Variants in ZNF565 observed in about 807,000 individuals in gnomAD.
ZNF565 encodes zinc finger protein 565.
In ZNF565, 27 loss-of-function variants were observed where a neutral mutation model predicts 39.4. That is an observed-to-expected ratio of 0.69 (90% confidence interval 0.51 to 0.95). ZNF565 has a LOEUF of 0.95. ZNF565 is among the 40% of genes least tolerant of loss of function. The pLI, the probability that ZNF565 is intolerant of heterozygous loss-of-function variation, is 0.00. For missense variants in ZNF565, 524 were observed against 621.1 expected (o/e 0.84, Z 1.66); for synonymous variants, 185 against 216.6 (o/e 0.85, Z 1.28).
At chr19:36,225,914 C>T (rs1367859927) in intron 1 of ZNF565, among the ~76,000 whole-genome samples, 1 of 151,932 alleles carries the variant, frequency 6.6e-6, no homozygotes, top group East Asian at 1.9e-4. Context: ...GCATGTACCA[C>T]CCCACACCCT....
intron 4 of ZNF565, among the ~76,000 whole-genome samples, 153 bp from the exon 5 acceptor site, chr19:36,183,886 T>C (rs1369332234): frequency 6.6e-6 from 1 of 151,706 alleles, no homozygotes; most frequent in Non-Finnish European, 1.5e-5. Flanking sequence ...GGAGTTCACC[T>C]GGCCAAGATG....
At chr19:36,196,913 T>C (rs1212226527) in intron 2 of ZNF565, among the ~76,000 whole-genome samples, 1 of 152,036 alleles carries the variant, frequency 6.6e-6, no homozygotes, top group African/African-American at 2.4e-5. Flanking sequence ...AAAAATTAGC[T>C]GCGCGTGGTG....
chr19:36,184,978 C>T (rs1218334133), intron 4 of ZNF565, among the ~76,000 whole-genome samples: 1 of 151,808 alleles, frequency 6.6e-6, no homozygotes, highest in Admixed American at 6.6e-5. Context: ...AATTAGCAGG[C>T]ATGGTGGCAG....
At chr19:36,192,856 G>A (rs187707605) in intron 4 of ZNF565, among the ~76,000 whole-genome samples, 313 of 151,654 alleles carry the variant, frequency 2.1e-3, no homozygotes, top group Middle Eastern at 3.4e-3. Flanking sequence ...CACTTTTGTC[G>A]CTCAGGCTGG....
At chr19:36,232,212 A>C (rs1012228472) in intron 1 of ZNF565, among the ~76,000 whole-genome samples, 8 of 144,930 alleles carry the variant, frequency 5.5e-5, no homozygotes, top group Admixed American at 1.4e-4. Flanking sequence ...AAAAAAAAAA[A>C]CATACAAATT....
Position 36,182,361 on chromosome 19 carries a change from A to C in ZNF565, c.*105T>G. On this transcript the variant is annotated 3_prime_UTR_variant, in exon 5 of 5. Transcript: ENST00000304116. ...TCTGATGTTCTATGATGGAAGTGAC[A>C]GGTGTTTTCTGACATTAATTACACT... 1 of 903,048 alleles carries C rather than the reference A, an allele frequency of 1.1e-6. No individual in the cohort carries two copies. The highest frequency in any genetic ancestry group is 3.1e-5 in the Admixed American group (1 of 32,014). The allele number at this position is 903,048 out of a possible 1,614,324, so 55.9% of individuals were successfully genotyped here. A position where few individuals can be genotyped will look rare whatever the true frequency, so the allele number is the denominator to read the frequency against.
chr19:36,226,464 A>C (rs970290751), intron 1 of ZNF565, among the ~76,000 whole-genome samples: 3 of 152,184 alleles, frequency 2.0e-5, no homozygotes, highest in Non-Finnish European at 4.4e-5. Flanking sequence ...AACTTTATAG[A>C]AGAGTTGGAA....
Position 36,245,400 on chromosome 19 carries a change from A to G in ZNF565, c.55+76T>C. ...GGAGGACAGTCACTGCGACCCGGAA[A>G]GCTCCGCGCTTACGACGCCCACCCA... On this transcript the variant is annotated intron_variant, in intron 1 of 4. Coordinates refer to the ZNF565 transcript ENST00000355114. The surrounding 1 kb of genome is among the most constrained non-coding windows in gnomAD (Gnocchi z 4.4). 2 of 699,692 alleles carry G rather than the reference A, an allele frequency of 2.9e-6. 1 individual carries two copies. The highest frequency in any genetic ancestry group is 3.0e-5 in the South Asian group (2 of 67,426). The allele number at this position is 699,692 out of a possible 1,614,324, so 43.3% of individuals were successfully genotyped here.
intron 3 of ZNF565, chr19:36,194,774 C>T (rs1237296337): frequency 1.7e-6 from 1 of 583,632 alleles, no homozygotes; most frequent in Non-Finnish European, 3.1e-6. Context: ...CAGAAAGCAT[C>T]AGCTGGAGAT....
In ZNF565 at chr19:36,230,097, G is replaced by T. The variant is rs553897407; in HGVS notation, c.55+15379C>A. Among the ~76,000 whole-genome samples the T allele has an allele frequency of 6.5e-4, 99 of 152,326 alleles. 2 individuals carry two copies. In the Middle Eastern group the frequency reaches 0.024, roughly 37 times the overall value. On this transcript the variant is annotated intron_variant, in intron 1 of 4. Coordinates refer to the ZNF565 transcript ENST00000355114. ...CTTCTGCTATTGAAGACACAAGTGT[G>T]TATACTTGTTTATATTGCTTTGCAG... is the stretch of plus-strand genomic sequence containing the variant.
rs1385015254 is a variant in ZNF565 at position 36,195,018 on chromosome 19, C to A, written c.136+12G>T. 1.2e-6 allele frequency: 2 copies of A among 1,613,978 alleles called. No individual in the cohort carries two copies. Among genetic ancestry groups the A allele is most frequent in the Non-Finnish European group, 8.5e-7 (1 of 1,180,028 alleles). ...TGCTTTCCGTCTGGCCCGTGTGATA[C>A]AATCTCCTTACCTAGTGAGGCCAAG... On this transcript the variant is annotated intron_variant, in intron 3 of 4. Transcript: ENST00000304116.
At chr19:36,233,299 GAA>G (rs1977474359) in intron 1 of ZNF565, among the ~76,000 whole-genome samples, 1 of 152,154 alleles carries the variant, frequency 6.6e-6, no homozygotes, top group African/African-American at 2.4e-5. Context: ...AGAATCACTT[GAA>G]GCCAGGAGGC....
upstream of ZNF565, among the ~76,000 whole-genome samples, chr19:36,216,847 C>T (rs1460194165): frequency 2.4e-5 from 2 of 83,640 alleles, no homozygotes; most frequent in Non-Finnish European, 5.2e-5. Flanking sequence ...TCAGGCCGGG[C>T]TTGGTGGCTC....
At chr19:36,216,638 A>G (rs145244398), upstream of ZNF565, among the ~76,000 whole-genome samples, 137 of 152,150 alleles carry the variant, frequency 9.0e-4, no homozygotes, top group East Asian at 0.018. Context: ...AGCCTGGACA[A>G]GAGCGAGATT....
At chr19:36,217,055 C>CTTTT (rs752632008), upstream of ZNF565, among the ~76,000 whole-genome samples, 16,628 of 65,800 alleles carry the variant, frequency 0.25, 3,531 homozygotes, top group South Asian at 0.32. Context: ...CAGTCCCTGT[C>CTTTT]TTTTTTTTTT....
chr19:36,194,476 G>A (rs1347252911), intron 3 of ZNF565, 148 bp from the exon 4 acceptor site: 5 of 563,298 alleles, frequency 8.9e-6, no homozygotes, highest in African/African-American at 7.5e-5. Context: ...AGAATGACTT[G>A]TTTCTAGTTC....
intron 1 of ZNF565, among the ~76,000 whole-genome samples, chr19:36,207,808 A>G (rs958097346): frequency 2.0e-5 from 3 of 152,062 alleles, no homozygotes; most frequent in Non-Finnish European, 4.4e-5. Context: ...CAATTCTCCA[A>G]TTTTTCTCTT....
At chr19:36,223,287 T>G (rs1293206788) in intron 1 of ZNF565, among the ~76,000 whole-genome samples, 1 of 150,832 alleles carries the variant, frequency 6.6e-6, no homozygotes, top group Non-Finnish European at 1.5e-5. Flanking sequence ...GTCATTGTGG[T>G]GCACGAGATC....
chr19:36,224,291 G>C (rs1431676878), intron 1 of ZNF565, among the ~76,000 whole-genome samples: 1 of 152,176 alleles, frequency 6.6e-6, no homozygotes, highest in African/African-American at 2.4e-5. Context: ...TGAGACAGGA[G>C]AATCGCTTGA....
Sources: gnomAD v4.1 joint callset for allele counts (sites outside exome capture counted in the v4.1 genomes callset) on GRCh38, gnomAD v4.1.1 for gene constraint, Gnocchi (gnomAD v3.1) non-coding constraint, MANE v1.5 for transcripts, NCBI Gene and HGNC (gene_info 2026-07-23, HGNC 2026-07-21) for gene names.